CASK: variants seen among roughly 807,000 people sequenced by gnomAD.
CASK encodes the protein calcium/calmodulin dependent serine protein kinase, also known as peripheral plasma membrane protein CASK.
CASK carries 4 observed loss-of-function variants against 82.9 expected under a neutral mutation model. The ratio of observed to expected loss-of-function variants is 0.05; its 90% confidence interval spans 0.02 to 0.11. The LOEUF is 0.11. Ranked by LOEUF, CASK falls within the 10% of genes least tolerant of loss-of-function variation. CASK has a pLI of 1.00. For synonymous variants in CASK, 259 were observed against 253.5 expected (o/e 1.02, Z -0.20); for missense variants, 358 against 720.9 (o/e 0.50, Z 5.76).
chrX:41,745,120 CG>C (rs2068665878), intron 4 of CASK, among the ~76,000 whole-genome samples: 1 of 112,020 alleles, frequency 8.9e-6, no homozygotes, highest in Non-Finnish European at 1.9e-5. Context: ...TGGGTTCAAA[CG>C]ATTCTCCTGC....
At chrX:41,607,341 T>A (rs1488824993) in intron 12 of CASK, among the ~76,000 whole-genome samples, 1 of 112,223 alleles carries the variant, frequency 8.9e-6, no homozygotes, top group Non-Finnish European at 1.9e-5. Flanking sequence ...CAATTTGGGC[T>A]TCTCTCAGTG....
chrX:41,784,339 A>C (rs151315612), intron 3 of CASK, among the ~76,000 whole-genome samples: 3 of 112,465 alleles, frequency 2.7e-5, no homozygotes, highest in Non-Finnish European at 5.6e-5. Context: ...TTATCCAGGC[A>C]ATATATTCAT....
intron 5 of CASK, among the ~76,000 whole-genome samples, chrX:41,720,280 G>A (rs1335400348): frequency 8.9e-6 from 1 of 112,700 alleles, no homozygotes; most frequent in Admixed American, 9.3e-5. Flanking sequence ...TGTGGCAGGC[G>A]GTGAGGGCCT....
At chrX:41,757,011 T>G (rs992699512) in intron 3 of CASK, among the ~76,000 whole-genome samples, 1 of 112,121 alleles carries the variant, frequency 8.9e-6, no homozygotes, top group African/African-American at 3.2e-5. Context: ...AAATCCATTT[T>G]CATGCCTATT....
intron 3 of CASK, among the ~76,000 whole-genome samples, chrX:41,783,660 A>G (rs910983030): frequency 9.0e-6 from 1 of 111,578 alleles, no homozygotes; most frequent in Non-Finnish European, 1.9e-5. Flanking sequence ...GGAAGGATCC[A>G]GCTTCAACTT....
chrX:41,816,504 ACC>A (rs2070413504), intron 2 of CASK, among the ~76,000 whole-genome samples: 1 of 111,239 alleles, frequency 9.0e-6, no homozygotes, highest in Non-Finnish European at 1.9e-5. Flanking sequence ...AAACATAAAG[ACC>A]AAAGTTGAAA....
At chrX:41,788,763 T>G (rs989150953) in intron 2 of CASK, among the ~76,000 whole-genome samples, 2 of 111,745 alleles carry the variant, frequency 1.8e-5, no homozygotes, top group African/African-American at 6.5e-5. Context: ...ACCACAAGAT[T>G]CAGCCAGAAA....
intron 8 of CASK, among the ~76,000 whole-genome samples, chrX:41,658,614 G>A (rs1216036225): frequency 8.9e-6 from 1 of 111,768 alleles, no homozygotes; most frequent in East Asian, 2.8e-4. Flanking sequence ...GAGGCCTATG[G>A]CATTCCAGTG....
intron 11 of CASK, among the ~76,000 whole-genome samples, chrX:41,615,916 T>A (rs1404820155): frequency 8.9e-6 from 1 of 112,393 alleles, no homozygotes; most frequent in Non-Finnish European, 1.9e-5. Context: ...CCTGAGCCAC[T>A]GTGCTCGGCC....
chrX:41,671,556 C>G (rs1349097466), intron 5 of CASK, 26 bp from the exon 6 acceptor site: 1 of 1,023,325 alleles, frequency 9.8e-7, no homozygotes, highest in Non-Finnish European at 1.4e-6. Flanking sequence ...GACGAACAAA[C>G]AAACAAAAAA....
intron 2 of CASK, among the ~76,000 whole-genome samples, chrX:41,794,466 T>C (rs2069802241): frequency 8.9e-6 from 1 of 112,505 alleles, no homozygotes; most frequent in Non-Finnish European, 1.9e-5. Context: ...GCTTTTCATT[T>C]TGGGAAATGT....
chrX:41,812,845 C>T (rs763087675), intron 2 of CASK, among the ~76,000 whole-genome samples: 10 of 111,291 alleles, frequency 9.0e-5, no homozygotes, highest in South Asian at 3.8e-4. Context: ...GAAAACCCCA[C>T]TGTCTCAGCC....
At chrX:41,655,600 G>C (rs2066926267) in intron 8 of CASK, among the ~76,000 whole-genome samples, 1 of 111,354 alleles carries the variant, frequency 9.0e-6, no homozygotes, top group African/African-American at 3.3e-5. Context: ...AGTGCAAGGA[G>C]GAAACATCCT....
chrX:41,781,199 A>G (rs932676441), intron 3 of CASK, among the ~76,000 whole-genome samples: 2 of 112,616 alleles, frequency 1.8e-5, no homozygotes, highest in East Asian at 5.6e-4. Context: ...GGCCTCCCAA[A>G]CTGCTGGGAT....
intron 1 of CASK, among the ~76,000 whole-genome samples, chrX:41,873,784 C>T (rs1057358062): frequency 7.9e-5 from 8 of 101,908 alleles, no homozygotes; most frequent in Non-Finnish European, 1.4e-4. Context: ...TTTTGTTGTT[C>T]CTTTTTTTTT....
intron 21 of CASK, among the ~76,000 whole-genome samples, chrX:41,545,316 T>C (rs1189226853): frequency 2.7e-5 from 3 of 112,429 alleles, no homozygotes; most frequent in Non-Finnish European, 3.8e-5. Context: ...CGTGAGCCAC[T>C]GCGCCCGGCC....
intron 3 of CASK, among the ~76,000 whole-genome samples, chrX:41,751,824 G>T (rs1479041131): frequency 9.0e-6 from 1 of 110,924 alleles, no homozygotes; most frequent in Admixed American, 9.6e-5. Context: ...CAGGCAGATT[G>T]CTTGAGCACA....
At chrX:41,633,164 C>T (rs1445813990) in intron 9 of CASK, among the ~76,000 whole-genome samples, 2 of 110,602 alleles carry the variant, frequency 1.8e-5, no homozygotes, top group Non-Finnish European at 3.8e-5. Context: ...CACGTGGACT[C>T]GACTCACCAT....
intron 5 of CASK, among the ~76,000 whole-genome samples, chrX:41,693,774 C>A (rs938266265): frequency 1.3e-4 from 14 of 111,689 alleles, no homozygotes; most frequent in African/African-American, 4.6e-4. Flanking sequence ...TTTCTCCCTC[C>A]ACTTTCCTGA....
Sources: allele counts gnomAD v4.1 joint callset (sites outside exome capture counted in the v4.1 genomes callset), GRCh38; gene constraint gnomAD v4.1.1; transcripts MANE v1.5; gene names NCBI Gene and HGNC (gene_info 2026-07-23, HGNC 2026-07-21).